Variants in PMPCA observed in about 807,000 individuals in gnomAD.
PMPCA encodes mitochondrial-processing peptidase subunit alpha.
In PMPCA, 47 loss-of-function variants were observed where a neutral mutation model predicts 59.3. That is an observed-to-expected ratio of 0.79 (90% CI 0.63 to 1.01). PMPCA has a LOEUF of 1.01. PMPCA is among the 50% of genes least tolerant of loss of function. The pLI, the probability that PMPCA is intolerant of heterozygous loss-of-function variation, is 0.00. For missense variants in PMPCA, 726 were observed against 704.5 expected (o/e 1.03, Z -0.34); for synonymous variants, 338 against 290.3 (o/e 1.16, Z -1.67).
chr9:136,417,300 G>A (rs186651165), intron 7 of PMPCA, 86 bp downstream of exon 7: 4 of 1,169,270 alleles, frequency 3.4e-6, no homozygotes, highest in East Asian at 2.4e-5. Context: ...TTGATTCTGA[G>A]GGTGATAGGT....
intron 11 of PMPCA, chr9:136,419,519 G>T (rs992782368): frequency 1.3e-5 from 4 of 301,950 alleles, no homozygotes; most frequent in African/African-American, 4.3e-5. Context: ...GTGGGCTGCA[G>T]CGTGGGGTGT....
At chr9:136,417,954 C>A in intron 7 of PMPCA, 63 bp from the exon 8 acceptor site, 1 of 1,125,220 alleles carries the variant, frequency 8.9e-7, no homozygotes, top group Non-Finnish European at 1.4e-6. Context: ...ATGATCTCAT[C>A]TGGGGTTTGC....
rs1281128764 is a variant in PMPCA, at chr9:136,419,311, G to T, written c.1263+205G>T. 1.3e-5 allele frequency: 8 copies of T among 638,546 alleles called. No individual in the cohort carries two copies. In the East Asian group the frequency reaches 1.9e-4, roughly 15 times the overall value. The allele number at this position is 638,546 out of a possible 1,614,324, so 39.6% of individuals were successfully genotyped here. ...GAGCCCGCTGAGGCTGTTCTTCCCTGGTCCAAACCCCGAAAACAGAAAAAC... is the reference window on the plus strand; with the variant it reads ...GAGCCCGCTGAGGCTGTTCTTCCCTTGTCCAAACCCCGAAAACAGAAAAAC... On this transcript the variant is annotated intron_variant, in intron 11 of 12. Transcript: ENST00000371717.
At chr9:136,412,673 T>A (rs1320019552) in intron 3 of PMPCA, 104 bp downstream of exon 3, 3 of 783,606 alleles carry the variant, frequency 3.8e-6, no homozygotes, top group Non-Finnish European at 6.5e-6. Context: ...GTTGCTAAGT[T>A]AATGTTAATA....
chr9:136,418,166 A>C (rs1281320532), intron 8 of PMPCA, 57 bp downstream of exon 8: 1 of 1,247,116 alleles, frequency 8.0e-7, no homozygotes, highest in East Asian at 2.3e-5. Context: ...CGGCTCAGCC[A>C]GCCCTGCCCT....
chr9:136,413,673 T>C (rs1203271861), intron 4 of PMPCA, among the ~76,000 whole-genome samples: 1 of 152,200 alleles, frequency 6.6e-6, no homozygotes, highest in South Asian at 2.1e-4. Flanking sequence ...TCTCCGACTC[T>C]TGCCTCGAAT....
chr9:136,416,225 G>A, intron 5 of PMPCA, 66 bp from the exon 6 acceptor site: 1 of 1,150,202 alleles, frequency 8.7e-7, no homozygotes, highest in Non-Finnish European at 1.3e-6. Context: ...ACAAGCTGTG[G>A]GTCACTGCTG....
intron 4 of PMPCA, 25 bp downstream of exon 4, chr9:136,412,917 T>A (rs776763580): frequency 1.5e-6 from 2 of 1,346,296 alleles, no homozygotes; most frequent in Non-Finnish European, 2.1e-6. Flanking sequence ...GTGTACAAAC[T>A]GACTTTGGGT....
Position 136,416,552 on chromosome 9 carries a change from C to T in PMPCA, c.633+161C>T, listed in dbSNP as rs181543743. On this transcript the variant is annotated intron_variant, in intron 6 of 12. Coordinates refer to ENST00000371717, the MANE Select transcript of PMPCA (RefSeq NM_015160.3). ...AGATGAGGTTTCTCCACATTGCCTA[C>T]GCTGGTCTTGCACTCCTGGGCTCAG... The T allele has an allele frequency of 2.5e-4, 173 of 682,582 alleles. 2 individuals are homozygous for T. The highest frequency in any genetic ancestry group is 1.5e-3 in the Middle Eastern group (5 of 3,340). The allele number at this position is 682,582 out of a possible 1,614,324, so 42.3% of individuals were successfully genotyped here. A position where few individuals can be genotyped will look rare whatever the true frequency, so the allele number is the denominator to read the frequency against.
Position 136,421,404 on chromosome 9 carries a change from G to GTTTTTTTGTT in PMPCA, c.1264-421_1264-420insGTTTTTTTTT, listed in dbSNP as rs780035978. Among the ~76,000 whole-genome samples the GTTTTTTTGTT allele has an allele frequency of 5.7e-3, 668 of 117,962 alleles. 18 individuals carry two copies. The highest frequency in any genetic ancestry group is 7.9e-3 in the East Asian group (31 of 3,904). 77.4% of individuals were successfully genotyped at this position (117,962 alleles called of 152,430 possible). On this transcript the variant is annotated intron_variant, in intron 11 of 12. Transcript: ENST00000371717. ...GCCTGTGACTTGGGCCTGGGTTCCC[G>GTTTTTTTGTT]TTTTTTTTTTTTTTTTTTTTTTTGA...
chr9:136,410,797 G>A, intron 1 of PMPCA, 58 bp downstream of exon 1: 1 of 1,310,384 alleles, frequency 7.6e-7, no homozygotes, highest in Non-Finnish European at 9.8e-7. Flanking sequence ...AGTCTTTCTG[G>A]ACGCTCCGTC....
intron 12 of PMPCA, chr9:136,422,686 C>T: frequency 9.7e-7 from 1 of 1,035,530 alleles, no homozygotes; most frequent in Non-Finnish European, 1.2e-6. Context: ...CCACCTGGAC[C>T]CTATCACTCC....
rs1564423763 is a variant in PMPCA at position 136,418,813 on chromosome 9, C to CT, written c.1110-14dup. On this transcript the variant is annotated splice_polypyrimidine_tract_variant and intron_variant, in intron 9 of 12. Coordinates refer to ENST00000371717, the MANE Select transcript of PMPCA (RefSeq NM_015160.3). ...GCGAGTCCCCTTCACTCCCATGACT[C>CT]TCGCTTCCTCCCAGGCACCACTGGA... 3.7e-6 allele frequency: 6 copies of CT among 1,601,696 alleles called. No homozygotes were observed. The highest frequency in any genetic ancestry group is 1.7e-4 in the Middle Eastern group (1 of 6,010).
intron 12 of PMPCA, chr9:136,422,188 G>C (rs1421526215): frequency 3.3e-6 from 5 of 1,510,182 alleles, no homozygotes; most frequent in Non-Finnish European, 4.5e-6. Flanking sequence ...CCATGCACCT[G>C]CTGCCTCCTT....
intron 6 of PMPCA, 80 bp from the exon 7 acceptor site, chr9:136,416,871 A>G (rs1835290947): frequency 3.6e-6 from 5 of 1,385,598 alleles, no homozygotes; most frequent in Non-Finnish European, 4.9e-6. Context: ...CTGGCTGCAG[A>G]TGGGCGCTGG....
rs776948976 is a variant in PMPCA at position 136,410,778 on chromosome 9, G to A, written c.71+39G>A. On this transcript the variant is annotated intron_variant, in intron 1 of 12. Transcript: ENST00000371717. Reference sequence around the variant, plus strand: ...GAACCAGGCTTCGGCCTGGGGCGGGGGCGGCTCGAGTCTTTCTGGACGCTC... The same window carrying A: ...GAACCAGGCTTCGGCCTGGGGCGGGAGCGGCTCGAGTCTTTCTGGACGCTC... The A allele has an allele frequency of 2.2e-6, 3 of 1,365,940 alleles. No individual in the cohort carries two copies. The African/African-American group carries it at 4.5e-5, about 20-fold the overall frequency. The allele number at this position is 1,365,940 out of a possible 1,614,324, so 84.6% of individuals were successfully genotyped here. A position where few individuals can be genotyped will look rare whatever the true frequency, so the allele number is the denominator to read the frequency against.
rs61743349 is a variant in PMPCA, at chr9:136,417,079, C to T, written c.762C>T (p.Ala254=). Residue 254 remains alanine, a synonymous_variant, in exon 7 of 13, where the codon GCC becomes GCT. Coordinates refer to ENST00000371717, the MANE Select transcript of PMPCA (RefSeq NM_015160.3). ...ACACTCCCGACCGCATGGTGCTGGC[C>T]GGCGTGGGCGTGGAGCACGAGCATC... ...NYYTPDRMVL[A]GVGVEHEHLV... 6.6e-5 allele frequency: 107 copies of T among 1,613,890 alleles called. No homozygotes were observed. Among genetic ancestry groups the T allele is most frequent in the South Asian group, 3.1e-4 (28 of 91,084 alleles).
rs543537677 is a variant in PMPCA, at chr9:136,423,481, G to A, written c.*217G>A. 3 of 563,774 alleles carry A rather than the reference G, an allele frequency of 5.3e-6. No individual in the cohort carries two copies. The highest frequency in any genetic ancestry group is 6.0e-5 in the East Asian group (2 of 33,572). 34.9% of individuals were successfully genotyped at this position (563,774 alleles called of 1,614,324 possible). On this transcript the variant is annotated 3_prime_UTR_variant, in exon 13 of 13. Coordinates refer to ENST00000371717, the MANE Select transcript of PMPCA (RefSeq NM_015160.3). ...CTGACCACCGCAAGCCAGGAAGCAG[G>A]TGAAGTGCCCAGCGCTGGAGTGCAG... is the stretch of plus-strand genomic sequence containing the variant.
intron 1 of PMPCA, 128 bp downstream of exon 1, chr9:136,410,867 G>A: frequency 2.7e-6 from 2 of 754,088 alleles, no homozygotes; most frequent in African/African-American, 1.8e-5. Flanking sequence ...GGACACTGGT[G>A]TCCCCGAGGC....
Sources: allele counts gnomAD v4.1 joint callset (sites outside exome capture counted in the v4.1 genomes callset), GRCh38; gene constraint gnomAD v4.1.1; transcripts MANE v1.5; gene names NCBI Gene and HGNC (gene_info 2026-07-23, HGNC 2026-07-21).